ST6GALNAC5: variants seen among roughly 807,000 people sequenced by gnomAD.
ST6GALNAC5 encodes alpha-N-acetylgalactosaminide alpha-2,6-sialyltransferase 5.
A neutral mutation model predicts 33.6 loss-of-function variants in ST6GALNAC5; 27 were observed. The ratio of observed to expected loss-of-function variants is 0.80; its 90% CI spans 0.59 to 1.11. ST6GALNAC5 has a LOEUF of 1.11. ST6GALNAC5 is among the 50% of genes least tolerant of loss of function. The probability of loss-of-function intolerance (pLI) is 0.00; values close to 1 mark genes in which losing one functional copy is unlikely to be tolerated. For missense variants in ST6GALNAC5, 428 were observed against 454.0 expected (o/e 0.94, Z 0.52); for synonymous variants, 194 against 171.2 (o/e 1.13, Z -1.04).
intron 2 of ST6GALNAC5, among the ~76,000 whole-genome samples, chr1:77,012,864 A>C (rs1329466733): frequency 6.6e-6 from 1 of 152,228 alleles, no homozygotes; most frequent in Non-Finnish European, 1.5e-5. Context: ...TGGTGGAGAC[A>C]GACAGCAAAA....
At chr1:77,011,242 T>G (rs988120145) in intron 2 of ST6GALNAC5, among the ~76,000 whole-genome samples, 1 of 152,126 alleles carries the variant, frequency 6.6e-6, no homozygotes, top group Non-Finnish European at 1.5e-5. Flanking sequence ...CAAGCAGCAT[T>G]CAGATATGTA....
Position 77,067,539 on chromosome 1 carries a change from C to A in ST6GALNAC5, c.*4333C>A, listed in dbSNP as rs961835418. 6.6e-6 allele frequency among the ~76,000 whole-genome samples: 1 copy of A among 152,174 alleles called. No individual in the cohort carries two copies. The highest frequency in any genetic ancestry group is 2.4e-5 in the African/African-American group (1 of 41,434). On this transcript the variant is annotated 3_prime_UTR_variant, in exon 5 of 5. Transcript: ENST00000477717. The stretch of plus-strand genomic sequence containing the variant: ...AATAAATGTCTGTTGTTGATCATGA[C>A]CTCTTAATGTTGACCCACTGGATTA...
At chr1:77,003,414 C>T (rs1282784039) in intron 2 of ST6GALNAC5, among the ~76,000 whole-genome samples, 2 of 149,994 alleles carry the variant, frequency 1.3e-5, no homozygotes, top group Admixed American at 6.7e-5. Flanking sequence ...TTCCTGAATA[C>T]AGCACACTGA....
At chr1:77,027,903 C>T (rs1353710928) in intron 2 of ST6GALNAC5, among the ~76,000 whole-genome samples, 1 of 152,136 alleles carries the variant, frequency 6.6e-6, no homozygotes, top group Non-Finnish European at 1.5e-5. Flanking sequence ...AGAGACATGT[C>T]CTCTTGTGTT....
intron 2 of ST6GALNAC5, among the ~76,000 whole-genome samples, chr1:76,961,497 A>C (rs1463706993): frequency 6.6e-6 from 1 of 152,162 alleles, no homozygotes; most frequent in African/African-American, 2.4e-5. Context: ...TCCTTGATAG[A>C]ACTAATATGA....
At chr1:77,035,893 C>T (rs1393323572) in intron 2 of ST6GALNAC5, among the ~76,000 whole-genome samples, 1 of 152,038 alleles carries the variant, frequency 6.6e-6, no homozygotes, top group Non-Finnish European at 1.5e-5. Flanking sequence ...CCAGTAATTC[C>T]CCTGCTAGAC....
intron 2 of ST6GALNAC5, among the ~76,000 whole-genome samples, chr1:76,969,300 T>G (rs1008615540): frequency 6.6e-6 from 1 of 152,214 alleles, no homozygotes; most frequent in African/African-American, 2.4e-5. Context: ...AGACTGTACC[T>G]GGAAAAACAG....
intron 2 of ST6GALNAC5, among the ~76,000 whole-genome samples, chr1:76,968,961 A>C (rs1177686935): frequency 6.6e-6 from 1 of 152,166 alleles, no homozygotes; most frequent in African/African-American, 2.4e-5. Flanking sequence ...TGTTACACTG[A>C]TGGTCTTCCC....
chr1:76,871,566 T>A (rs551473110), intron 2 of ST6GALNAC5, among the ~76,000 whole-genome samples: 19 of 152,206 alleles, frequency 1.2e-4, no homozygotes, highest in African/African-American at 4.6e-4. Context: ...ACAGCCTGTC[T>A]GCAATGATGG....
In ST6GALNAC5 at chr1:77,063,026, T is replaced by C; in HGVS notation, c.831T>C (p.Pro277=). ...ATCATTATTATGAACCTTTTGGACC[T>C]GATGAATGTACAATGTACCTCTCCC... ...VPYHYYEPFG[P]DECTMYLSHE... Residue 277 remains proline (P), a synonymous_variant, in exon 5 of 5, where the codon CCT becomes CCC. Transcript: ENST00000477717. The C allele has an allele frequency of 6.2e-7, 1 of 1,614,000 alleles. No individual in the cohort carries two copies. Among genetic ancestry groups the C allele is most frequent in the Non-Finnish European group, 8.5e-7 (1 of 1,179,906 alleles).
intron 2 of ST6GALNAC5, among the ~76,000 whole-genome samples, chr1:76,939,057 T>C (rs886738382): frequency 6.6e-6 from 1 of 152,026 alleles, no homozygotes; most frequent in African/African-American, 2.4e-5. Flanking sequence ...TGCACTCTAG[T>C]GTTCTGGAGG....
intron 2 of ST6GALNAC5, among the ~76,000 whole-genome samples, chr1:77,008,835 G>A (rs1194093680): frequency 6.6e-6 from 1 of 152,102 alleles, no homozygotes; most frequent in Non-Finnish European, 1.5e-5. Context: ...TGGCCTAAAG[G>A]CTGTTATCTT....
intron 2 of ST6GALNAC5, among the ~76,000 whole-genome samples, chr1:76,976,407 T>A (rs1337576770): frequency 2.0e-5 from 3 of 152,304 alleles, no homozygotes; most frequent in African/African-American, 7.2e-5. Flanking sequence ...ATTCTTTTTT[T>A]GAGGTTTGAT....
At chr1:76,978,110 CTATT>C (rs1411249072) in intron 2 of ST6GALNAC5, among the ~76,000 whole-genome samples, 2 of 152,056 alleles carry the variant, frequency 1.3e-5, no homozygotes, top group African/African-American at 4.8e-5. Context: ...TACCTGTTGA[CTATT>C]TGTATGTATT....
At chr1:76,971,164 T>C (rs1648741052) in intron 2 of ST6GALNAC5, among the ~76,000 whole-genome samples, 1 of 152,138 alleles carries the variant, frequency 6.6e-6, no homozygotes, top group African/African-American at 2.4e-5. Context: ...TTCCTCAGAG[T>C]AAGGAATTTC....
intron 2 of ST6GALNAC5, among the ~76,000 whole-genome samples, chr1:76,907,193 C>CT (rs1646871534): frequency 6.6e-6 from 1 of 151,906 alleles, no homozygotes; most frequent in South Asian, 2.1e-4. Flanking sequence ...CTCAACTCTC[C>CT]TTTTTTTTCA....
chr1:76,956,889 G>A (rs1043667689), intron 2 of ST6GALNAC5, among the ~76,000 whole-genome samples: 1 of 152,290 alleles, frequency 6.6e-6, no homozygotes, highest in Non-Finnish European at 1.5e-5. Flanking sequence ...TGAGGTCACT[G>A]AGGGTCCGAC....
At chr1:76,939,337 A>C (rs1647271019) in intron 2 of ST6GALNAC5, among the ~76,000 whole-genome samples, 2 of 152,240 alleles carry the variant, frequency 1.3e-5, no homozygotes, top group Admixed American at 1.3e-4. Flanking sequence ...GGCATGATGA[A>C]AACTAATAAT....
At chr1:77,038,015 G>A (rs1189435244) in intron 2 of ST6GALNAC5, among the ~76,000 whole-genome samples, 1 of 152,084 alleles carries the variant, frequency 6.6e-6, no homozygotes, top group East Asian at 1.9e-4. Context: ...TGAAAAATGG[G>A]GCTCAGAAAA....
Sources: gnomAD v4.1 joint callset for allele counts (sites outside exome capture counted in the v4.1 genomes callset) on GRCh38, gnomAD v4.1.1 for gene constraint, MANE v1.5 for transcripts, NCBI Gene and HGNC (gene_info 2026-07-23, HGNC 2026-07-21) for gene names.